GABARAPL1: variants seen among roughly 807,000 people sequenced by gnomAD.
GABARAPL1 encodes the protein gamma-aminobutyric acid receptor-associated protein-like 1.
In GABARAPL1, 4 loss-of-function variants were observed where a neutral mutation model predicts 14.5. That is an observed-to-expected ratio of 0.28 (90% CI 0.14 to 0.63). The LOEUF is 0.63. GABARAPL1 is among the 30% of genes least tolerant of loss of function. The probability of loss-of-function intolerance (pLI) is 0.84; values close to 1 mark genes in which losing one functional copy is unlikely to be tolerated. For synonymous variants in GABARAPL1, 47 were observed against 50.6 expected, an observed-to-expected ratio of 0.93 and a Z score of 0.30; for missense variants, 82 against 139.2, an observed-to-expected ratio of 0.59 and a Z score of 2.07.
intron 1 of GABARAPL1, among the ~76,000 whole-genome samples, chr12:10,217,241 A>G (rs1024875189): frequency 5.9e-5 from 9 of 152,236 alleles, no homozygotes; most frequent in Non-Finnish European, 1.0e-4. Flanking sequence ...ATTATAGGAT[A>G]TCATTGTCAG....
rs1949122557 is a variant in GABARAPL1 at position 10,221,989 on chromosome 12, C to T, written c.*137C>T. The stretch of plus-strand genomic sequence containing the variant: ...AGACATCTAGAAACATTACACCACA[C>T]ACACCGTCATCACATTTTCACATGC... On this transcript the variant is annotated 3_prime_UTR_variant, in exon 4 of 4. Transcript: ENST00000266458. 1 of 703,428 alleles carries T rather than the reference C, an allele frequency of 1.4e-6. No individual in the cohort carries two copies. Among genetic ancestry groups the T allele is most frequent in the Non-Finnish European group, 2.5e-6 (1 of 402,978 alleles). 43.6% of individuals were successfully genotyped at this position (703,428 alleles called of 1,614,324 possible).
chr12:10,216,416 G>A (rs1205511015), intron 1 of GABARAPL1, among the ~76,000 whole-genome samples: 4 of 150,972 alleles, frequency 2.6e-5, no homozygotes, highest in African/African-American at 4.9e-5. Flanking sequence ...GAGAGGTTAC[G>A]TGACCTGTTG....
chr12:10,215,694 T>C (rs1257814285), intron 1 of GABARAPL1, among the ~76,000 whole-genome samples: 2 of 152,206 alleles, frequency 1.3e-5, no homozygotes, highest in Non-Finnish European at 2.9e-5. Context: ...TTTTTATCTC[T>C]TACTGCTAGG....
chr12:10,219,998 T>G (rs1169592993), intron 2 of GABARAPL1, among the ~76,000 whole-genome samples: 2 of 152,136 alleles, frequency 1.3e-5, no homozygotes, highest in Non-Finnish European at 2.9e-5. Context: ...AACACTGAGG[T>G]GACTGACTGT....
In GABARAPL1 at chr12:10,222,282, C is replaced by T. The variant is rs542214093; in HGVS notation, c.*430C>T. The stretch of plus-strand genomic sequence containing the variant: ...GCACAAGACAGGTAGGGAAAGGGGA[C>T]TTGTGGTAGTGGACCATACCTGGGG... On this transcript the variant is annotated 3_prime_UTR_variant, in exon 4 of 4. Coordinates refer to ENST00000266458, the MANE Select transcript of GABARAPL1 (RefSeq NM_031412.4). The T allele has an allele frequency of 2.1e-4, 42 of 196,888 alleles. No individual in the cohort carries two copies. The highest frequency in any genetic ancestry group is 6.8e-4 in the Admixed American group (13 of 18,992). 12.2% of individuals were successfully genotyped at this position (196,888 alleles called of 1,614,324 possible).
chr12:10,215,027 A>T lies in GABARAPL1; in HGVS notation c.90+1808A>T, dbSNP rs574709225. On this transcript the variant is annotated intron_variant, in intron 1 of 3. Transcript: ENST00000266458. The stretch of plus-strand genomic sequence containing the variant: ...CTCAGATTTCAGCTTTCCTAGGGTT[A>T]TGTTTTAACCAGTGGTGAGCTGCTC... Among the ~76,000 whole-genome samples the T allele has an allele frequency of 2.6e-5, 4 of 152,268 alleles. No homozygotes were observed. The South Asian group carries it at 8.3e-4, about 32-fold the overall frequency.
In GABARAPL1 at chr12:10,222,156, T is replaced by A. The variant is rs956713051; in HGVS notation, c.*304T>A. The A allele has an allele frequency of 2.7e-6, 1 of 365,456 alleles. No individual in the cohort carries two copies. The highest frequency in any genetic ancestry group is 2.1e-5 in the African/African-American group (1 of 48,374). The allele number at this position is 365,456 out of a possible 1,614,324, so 22.6% of individuals were successfully genotyped here. A position where few individuals can be genotyped will look rare whatever the true frequency, so the allele number is the denominator to read the frequency against. On this transcript the variant is annotated 3_prime_UTR_variant, in exon 4 of 4. Transcript: ENST00000266458. ...TTTAATTGTTGTGCAGTTTCATAGA[T>A]GGGTCAGGAGGTGGACAAGTTGGGG...
intron 2 of GABARAPL1, among the ~76,000 whole-genome samples, chr12:10,220,024 GT>G (rs1202634978): frequency 6.6e-6 from 1 of 152,210 alleles, no homozygotes; most frequent in Non-Finnish European, 1.5e-5. Flanking sequence ...GATGACCAGA[GT>G]CCAGTGGACC....
chr12:10,214,832 A>AATG, intron 1 of GABARAPL1: 1 of 152,242 alleles, frequency 6.6e-6, no homozygotes, highest in African/African-American at 2.4e-5. Flanking sequence ...TAGTTGTATT[A>AATG]ACCAGAATTA....
At position 10,220,504 on chromosome 12, in the gene GABARAPL1, C is replaced by T; in HGVS notation, c.234C>T (p.Phe78=). 2 of 1,613,878 alleles carry T rather than the reference C, an allele frequency of 1.2e-6. No homozygotes were observed. Among genetic ancestry groups the T allele is most frequent in the Non-Finnish European group, 1.7e-6 (2 of 1,180,024 alleles). Residue 78 remains phenylalanine, a synonymous_variant, in exon 3 of 4, where the codon TTC becomes TTT. Coordinates refer to ENST00000266458, the MANE Select transcript of GABARAPL1 (RefSeq NM_031412.4). ...IHLRPEDALF[F]FVNNTIPPTS... is the part of the protein sequence containing the mutation. ...TGAGACCTGAGGACGCCTTATTCTT[C>T]TTTGTCAACAACACCATCCCTCCCA...
chr12:10,221,760 A>G, intron 3 of GABARAPL1, 27 bp from the exon 4 acceptor site: 1 of 1,612,940 alleles, frequency 6.2e-7, no homozygotes, highest in East Asian at 2.2e-5. Context: ...TATGTTTTCT[A>G]AACTGTTGTC....
chr12:10,215,638 T>C (rs1949083731), intron 1 of GABARAPL1, among the ~76,000 whole-genome samples: 1 of 151,958 alleles, frequency 6.6e-6, no homozygotes. Context: ...TCCCTCCAGG[T>C]ATTGCCCTCT....
intron 3 of GABARAPL1, chr12:10,220,980 C>G (rs1039687704): frequency 8.1e-7 from 1 of 1,232,014 alleles, no homozygotes. Flanking sequence ...TGAGAAAGCA[C>G]GTAATAGTAA....
chr12:10,221,667 CTT>C (rs1949120818), intron 3 of GABARAPL1, 118 bp from the exon 4 acceptor site: 6 of 1,189,962 alleles, frequency 5.0e-6, no homozygotes, highest in Non-Finnish European at 7.2e-6. Context: ...CTTTGCTCCT[CTT>C]TTAAATGGGG....
chr12:10,220,583 T>C, intron 3 of GABARAPL1, 25 bp downstream of exon 3: 1 of 1,614,028 alleles, frequency 6.2e-7, no homozygotes, highest in Non-Finnish European at 8.5e-7. Context: ...TGCACAATAC[T>C]GGATGCCGTC....
chr12:10,220,487 G>A lies in GABARAPL1; in HGVS notation c.217G>A (p.Glu73Lys). The change falls in exon 3 of 4, where the codon GAG becomes AAG. Residue 73 changes from glutamate (E) to lysine (K), a missense_variant. Around this residue, in one of 3 missense-constraint regions of GABARAPL1, gnomAD observed 65 missense variants for 103.7 expected, o/e 0.63. Transcript: ENST00000266458. ...LIRKRIHLRP[E>K]DALFFFVNNT... Reference sequence around the variant, plus strand: ...CCGGAAGAGAATCCACCTGAGACCTGAGGACGCCTTATTCTTCTTTGTCAA... The same window carrying A: ...CCGGAAGAGAATCCACCTGAGACCTAAGGACGCCTTATTCTTCTTTGTCAA... The A allele has an allele frequency of 1.2e-6, 2 of 1,613,454 alleles. No homozygotes were observed.
chr12:10,221,840 C>A lies in GABARAPL1; in HGVS notation c.342C>A (p.Val114=). 1 of 1,613,920 alleles carries A rather than the reference C, an allele frequency of 6.2e-7. No individual in the cohort carries two copies. Among genetic ancestry groups the A allele is most frequent in the Admixed American group, 1.7e-5 (1 of 60,006 alleles). ...ATGTGGCCTACAGTGATGAGAGTGT[C>A]TATGGGAAATGAGTGGTTGGAAGCC... The part of the protein sequence containing the change: ...FLYVAYSDES[V]YGK The change falls in exon 4 of 4, where the codon GTC becomes GTA. Residue 114 remains valine, a synonymous_variant. Coordinates refer to ENST00000266458, the MANE Select transcript of GABARAPL1 (RefSeq NM_031412.4).
In GABARAPL1 at chr12:10,218,167, C is replaced by G. The variant is rs374900507; in HGVS notation, c.169+26C>G. 101 of 1,381,148 alleles carry G rather than the reference C, an allele frequency of 7.3e-5. No homozygotes were observed. The African/African-American group carries it at 1.3e-3, about 18-fold the overall frequency. The allele number at this position is 1,381,148 out of a possible 1,614,324, so 85.6% of individuals were successfully genotyped here. On this transcript the variant is annotated intron_variant, in intron 2 of 3. Transcript: ENST00000266458. ...GTAATGCTCTTTGCCTTCCCTGACC[C>G]TTCCTCCGGTGAAAAAACTCTCTAG...
At chr12:10,221,421 T>C in intron 3 of GABARAPL1, 8 of 954,500 alleles carry the variant, frequency 8.4e-6, no homozygotes, top group Non-Finnish European at 1.0e-5. Flanking sequence ...TTACGTAAAC[T>C]TCTAATAATC....
Sources: allele counts gnomAD v4.1 joint callset (sites outside exome capture counted in the v4.1 genomes callset), GRCh38; gene constraint gnomAD v4.1.1; regional missense constraint gnomAD v4.1.1; transcripts MANE v1.5; gene names NCBI Gene and HGNC (gene_info 2026-07-23, HGNC 2026-07-21).